ABCB5: variants seen among roughly 807,000 people sequenced by gnomAD.
ABCB5 encodes ATP-binding cassette sub-family B member 5.
A neutral mutation model predicts 144.2 loss-of-function variants in ABCB5; 155 were observed. That is an observed-to-expected ratio of 1.08 (90% CI 0.94 to 1.23). The LOEUF is 1.23. Among genes scored for constraint, ABCB5 ranks in the 50% most tolerant of loss-of-function variants. The pLI, the probability that ABCB5 is intolerant of heterozygous loss-of-function variation, is 0.00. For missense variants in ABCB5, 1,830 were observed against 1,520.8 expected (o/e 1.20, Z -3.38); for synonymous variants, 610 against 528.6 (o/e 1.15, Z -2.11).
At chr7:20,680,842 A>G (rs1017160843) in intron 14 of ABCB5, among the ~76,000 whole-genome samples, 1 of 152,100 alleles carries the variant, frequency 6.6e-6, no homozygotes, top group Admixed American at 6.5e-5. Flanking sequence ...CTTTCTTTTT[A>G]TTCTAATTTC....
intron 11 of ABCB5, among the ~76,000 whole-genome samples, chr7:20,649,106 G>C (rs1784500671): frequency 6.6e-6 from 1 of 151,972 alleles, no homozygotes; most frequent in African/African-American, 2.4e-5. Flanking sequence ...AATTTTGGGG[G>C]GGTCCACCTA....
chr7:20,691,168 CTTTTTTTTTTTTTT>C (rs58696871), intron 16 of ABCB5, among the ~76,000 whole-genome samples: 2 of 46,080 alleles, frequency 4.3e-5, no homozygotes, highest in African/African-American at 6.7e-5. Context: ...ACCCAGTGGA[CTTTTTTTTTTTTTT>C]TTTTTTTTTT....
At chr7:20,650,783 A>C (rs1488707476) in intron 12 of ABCB5, among the ~76,000 whole-genome samples, 1 of 152,206 alleles carries the variant, frequency 6.6e-6, no homozygotes, top group Non-Finnish European at 1.5e-5. Context: ...TCCTAGACCC[A>C]TGTGACTACA....
chr7:20,653,175 CT>C (rs1784659299), intron 13 of ABCB5, among the ~76,000 whole-genome samples: 1 of 152,158 alleles, frequency 6.6e-6, no homozygotes, highest in African/African-American at 2.4e-5. Flanking sequence ...AAATCATACC[CT>C]GTAAGTTACT....
intron 2 of ABCB5, 100 bp downstream of exon 2, chr7:20,623,438 A>C: frequency 1.0e-6 from 1 of 953,458 alleles, no homozygotes. Context: ...TTTTCCCAAA[A>C]ATAGCAACAC....
chr7:20,644,009 G>A (rs1161881570), intron 7 of ABCB5, among the ~76,000 whole-genome samples: 1 of 152,044 alleles, frequency 6.6e-6, no homozygotes, highest in Non-Finnish European at 1.5e-5. Flanking sequence ...TCATTTCACT[G>A]GGTAGAATGG....
At chr7:20,639,967 G>T (rs1187314073) in intron 5 of ABCB5, among the ~76,000 whole-genome samples, 1 of 152,122 alleles carries the variant, frequency 6.6e-6, no homozygotes, top group East Asian at 1.9e-4. Context: ...ACAACACTGA[G>T]TCTCCCAATC....
intron 20 of ABCB5, among the ~76,000 whole-genome samples, chr7:20,718,616 G>A (rs899015602): frequency 6.6e-6 from 1 of 152,156 alleles, no homozygotes; most frequent in African/African-American, 2.4e-5. Flanking sequence ...AGCCCTGGGG[G>A]GGAGGGAGGA....
At chr7:20,670,367 C>A (rs1785421596) in intron 14 of ABCB5, among the ~76,000 whole-genome samples, 2 of 142,458 alleles carry the variant, frequency 1.4e-5, no homozygotes, top group African/African-American at 5.5e-5. Context: ...AAATCTAAAG[C>A]TATTCTAAAA....
chr7:20,700,065 T>C lies in ABCB5; in HGVS notation c.2267T>C (p.Phe756Ser). The change falls in exon 19 of 28, where the codon TTT becomes TCT. Residue 756 changes from phenylalanine to serine, a missense_variant. Phe to Ser is a radical substitution (Grantham distance 155). Coordinates refer to ENST00000404938, the MANE Select transcript of ABCB5 (RefSeq NM_001163941.2). ...TGTTTGTTTGCTTTTCAGGGATTAT[T>C]TTACGGCAGAGCAGGGGAAATTTTA... is the stretch of plus-strand genomic sequence containing the variant. ...CFVSYFMQGL[F>S]YGRAGEILTM... 2 of 1,613,814 alleles carry C rather than the reference T, an allele frequency of 1.2e-6. No individual in the cohort carries two copies. The highest frequency in any genetic ancestry group is 1.7e-6 in the Non-Finnish European group (2 of 1,179,858).
intron 14 of ABCB5, 75 bp downstream of exon 14, chr7:20,658,751 C>G: frequency 6.6e-7 from 1 of 1,521,910 alleles, no homozygotes; most frequent in Non-Finnish European, 8.9e-7. Context: ...AAGTATAGAT[C>G]TGTAATAGAT....
rs149414232 is a variant in ABCB5, at chr7:20,733,311, T to C, written c.2867+4856T>C. Among the ~76,000 whole-genome samples, 186 of 152,252 alleles carry C rather than the reference T, an allele frequency of 1.2e-3. 1 individual carries two copies. The highest frequency in any genetic ancestry group is 4.2e-3 in the African/African-American group (173 of 41,552). ...TTCGAGTATTCAAAGTTGGGCTGAT[T>C]CCTCACATATAAATGGAACAGGTGA... On this transcript the variant is annotated intron_variant, in intron 23 of 27. Transcript: ENST00000404938.
chr7:20,746,720 GCA>G (rs2128056383), intron 26 of ABCB5, among the ~76,000 whole-genome samples: 1 of 152,306 alleles, frequency 6.6e-6, no homozygotes, highest in Admixed American at 6.5e-5. Flanking sequence ...CAAAAACAGT[GCA>G]CAGAGAGGGA....
intron 20 of ABCB5, among the ~76,000 whole-genome samples, chr7:20,722,651 C>G (rs1022655420): frequency 6.6e-6 from 1 of 152,096 alleles, no homozygotes; most frequent in African/African-American, 2.4e-5. Context: ...GAAACCCCAT[C>G]TCTACTAAAA....
intron 23 of ABCB5, among the ~76,000 whole-genome samples, chr7:20,736,964 C>T (rs1418880586): frequency 2.0e-5 from 3 of 152,038 alleles, no homozygotes; most frequent in East Asian, 1.9e-4. Flanking sequence ...CCGAGGCAGG[C>T]GGATCACTAG....
Position 20,651,420 on chromosome 7 carries a change from A to C in ABCB5, c.1333A>C (p.Ile445Leu), listed in dbSNP as rs1452550600. Residue 445 changes from isoleucine (I) to leucine (L), a missense_variant and splice_region_variant, in exon 13 of 28, where the codon ATC becomes CTC. Ile to Leu is a conservative substitution (Grantham distance 5, BLOSUM62 2). Transcript: ENST00000404938. ...QRLYDPDDGF[I>L]MVDENDIRAL... is the part of the protein sequence containing the mutation. ...CATGGTTCATTCTTTGGATTGGCAG[A>C]TCATGGTGGATGAGAATGACATCAG... 1 of 1,614,034 alleles carries C rather than the reference A, an allele frequency of 6.2e-7. No individual in the cohort carries two copies. Among genetic ancestry groups the C allele is most frequent in the Non-Finnish European group, 8.5e-7 (1 of 1,179,976 alleles).
chr7:20,730,662 C>T (rs1583457063), intron 23 of ABCB5, among the ~76,000 whole-genome samples: 3 of 152,244 alleles, frequency 2.0e-5, no homozygotes, highest in East Asian at 3.9e-4. Context: ...AGACTAATTA[C>T]TTAGGTAGAT....
At chr7:20,654,967 G>C (rs1241528742) in intron 13 of ABCB5, among the ~76,000 whole-genome samples, 13 of 149,872 alleles carry the variant, frequency 8.7e-5, no homozygotes, top group Admixed American at 8.6e-4. Context: ...TAAGTAAATA[G>C]AAATTACAGT....
chr7:20,648,124 C>T (rs776923776), intron 11 of ABCB5, 46 bp downstream of exon 11: 7 of 1,123,550 alleles, frequency 6.2e-6, no homozygotes, highest in African/African-American at 1.6e-5. Context: ...CTGATATTAT[C>T]TTCTACTGGC....
Sources: allele counts gnomAD v4.1 joint callset (sites outside exome capture counted in the v4.1 genomes callset), GRCh38; gene constraint gnomAD v4.1.1; transcripts MANE v1.5; gene names NCBI Gene and HGNC (gene_info 2026-07-23, HGNC 2026-07-21).